SGIP1: variants seen among roughly 807,000 people sequenced by gnomAD.
The protein encoded by SGIP1 is SH3GL interacting endocytic adaptor 1.
A neutral mutation model predicts 107.5 loss-of-function variants in SGIP1; 38 were observed. That is an observed-to-expected ratio of 0.35 (90% CI 0.27 to 0.46). The LOEUF is 0.46. SGIP1 is among the 20% of genes least tolerant of loss of function. The pLI is 1.00. For synonymous variants in SGIP1, 365 were observed against 366.1 expected, an observed-to-expected ratio of 1.00 and a Z score of 0.03; for missense variants, 929 against 1,019.5, an observed-to-expected ratio of 0.91 and a Z score of 1.21.
intron 1 of SGIP1, among the ~76,000 whole-genome samples, chr1:66,604,900 C>T (rs1339757497): frequency 6.6e-6 from 1 of 152,154 alleles, no homozygotes; most frequent in Non-Finnish European, 1.5e-5. Context: ...ATTCTTTAAT[C>T]CACTATTTTT....
intron 15 of SGIP1, among the ~76,000 whole-genome samples, chr1:66,683,403 C>T (rs1557613202): frequency 1.3e-5 from 2 of 152,196 alleles, no homozygotes; most frequent in African/African-American, 4.8e-5. Flanking sequence ...GTCATCATCA[C>T]TGCCTCTTTC....
Position 66,725,072 on chromosome 1 carries a change from G to A in SGIP1, c.1743-4192G>A, listed in dbSNP as rs539439539. On this transcript the variant is annotated intron_variant, in intron 19 of 24. Coordinates refer to ENST00000371037, the MANE Select transcript of SGIP1 (RefSeq NM_032291.4). Reference sequence around the variant, plus strand: ...GTTAATGGATCTAAAAGGTAGAGAAGGAAGACAGCAGTTTGCTCCCAAACT... The same window carrying A: ...GTTAATGGATCTAAAAGGTAGAGAAAGAAGACAGCAGTTTGCTCCCAAACT... 1.1e-4 allele frequency among the ~76,000 whole-genome samples: 16 copies of A among 152,276 alleles called. No individual in the cohort carries two copies. In the East Asian group the frequency reaches 3.1e-3, roughly 29 times the overall value.
chr1:66,574,883 T>C (rs2060851977), intron 1 of SGIP1, among the ~76,000 whole-genome samples: 1 of 152,214 alleles, frequency 6.6e-6, no homozygotes, highest in Non-Finnish European at 1.5e-5. Context: ...ATTTAGAGAT[T>C]ATGTCCCTCT....
intron 5 of SGIP1, among the ~76,000 whole-genome samples, chr1:66,640,833 C>A (rs1002207889): frequency 2.1e-5 from 3 of 146,046 alleles, no homozygotes; most frequent in African/African-American, 7.6e-5. Flanking sequence ...AGGAAGACCA[C>A]AATAAATGCT....
chr1:66,660,362 T>C (rs563811296), intron 7 of SGIP1, 151 bp from the exon 8 acceptor site: 1 of 711,608 alleles, frequency 1.4e-6, no homozygotes, highest in Admixed American at 2.2e-5. Flanking sequence ...AATGACCATA[T>C]CAGACCCCCA....
chr1:66,554,356 G>A (rs2057870698), intron 1 of SGIP1, among the ~76,000 whole-genome samples: 1 of 152,120 alleles, frequency 6.6e-6, no homozygotes, highest in Admixed American at 6.5e-5. Context: ...GACAGAATAA[G>A]GTCCTTAGCC....
intron 1 of SGIP1, among the ~76,000 whole-genome samples, chr1:66,586,538 G>A (rs187886286): frequency 3.0e-4 from 45 of 152,060 alleles, no homozygotes; most frequent in Admixed American, 2.4e-3. Flanking sequence ...ACTTATTACT[G>A]TATACCAATG....
chr1:66,600,644 A>G (rs1384908273), intron 1 of SGIP1, among the ~76,000 whole-genome samples: 1 of 152,206 alleles, frequency 6.6e-6, no homozygotes, highest in Non-Finnish European at 1.5e-5. Flanking sequence ...ATTAGAAAGG[A>G]TGCAAGTGGT....
chr1:66,538,710 G>C (rs193147993), intron 1 of SGIP1, among the ~76,000 whole-genome samples: 2 of 152,284 alleles, frequency 1.3e-5, no homozygotes, highest in Admixed American at 1.3e-4. Flanking sequence ...TCTCACACAA[G>C]TCCATCAAAG....
At chr1:66,675,540 TC>T (rs1184794085) in intron 12 of SGIP1, among the ~76,000 whole-genome samples, 1,407 of 110,766 alleles carry the variant, frequency 0.013, 218 homozygotes, top group African/African-American at 0.05. Context: ...TCTTTTTCTT[TC>T]TTTTTTTTTT....
chr1:66,731,582 C>T (rs1159869833), intron 20 of SGIP1, among the ~76,000 whole-genome samples: 1 of 151,852 alleles, frequency 6.6e-6, no homozygotes, highest in Non-Finnish European at 1.5e-5. Context: ...ATCTTATGAA[C>T]TCTACTTGAT....
At chr1:66,696,046 G>A (rs1039323252) in intron 18 of SGIP1, among the ~76,000 whole-genome samples, 26 of 152,174 alleles carry the variant, frequency 1.7e-4, no homozygotes, top group African/African-American at 6.0e-4. Flanking sequence ...TGCGTCTCCT[G>A]AAATTGCAAT....
intron 1 of SGIP1, among the ~76,000 whole-genome samples, chr1:66,573,915 G>T (rs1393654364): frequency 6.6e-6 from 1 of 151,994 alleles, no homozygotes; most frequent in African/African-American, 2.4e-5. Context: ...TAAAATAAAA[G>T]CTAAATTTAA....
chr1:66,738,103 T>C (rs2094329553), intron 21 of SGIP1, among the ~76,000 whole-genome samples: 1 of 152,318 alleles, frequency 6.6e-6, no homozygotes, highest in Admixed American at 6.5e-5. Context: ...TCTTAATAAA[T>C]GTTTGCCTGC....
intron 7 of SGIP1, among the ~76,000 whole-genome samples, chr1:66,658,390 C>T (rs1400951337): frequency 6.6e-6 from 1 of 152,176 alleles, no homozygotes; most frequent in East Asian, 1.9e-4. Context: ...CCTGAGGTCA[C>T]TAACAGGCAG....
chr1:66,689,782 A>G (rs7528346), intron 16 of SGIP1, among the ~76,000 whole-genome samples: 53,349 of 151,918 alleles, frequency 0.35, 10,095 homozygotes, highest in African/African-American at 0.5. Flanking sequence ...TTGTGGCAGA[A>G]GTAGATTTCT....
At position 66,648,843 on chromosome 1, in the gene SGIP1, G is replaced by C. The variant is rs114638401; in HGVS notation, c.459+5124G>C. ...ATTGTCCTGGGCCCCAGCCCAGGTC[G>C]ACCACTTTCTACCTGTGTAACCTTA... On this transcript the variant is annotated intron_variant, in intron 7 of 24. Transcript: ENST00000371037. Among the ~76,000 whole-genome samples the C allele has an allele frequency of 8.4e-3, 1,281 of 152,246 alleles. 14 individuals are homozygous for C. The highest frequency in any genetic ancestry group is 0.027 in the African/African-American group (1,123 of 41,542).
chr1:66,732,040 G>A (rs1020981849), intron 20 of SGIP1, among the ~76,000 whole-genome samples: 17 of 152,102 alleles, frequency 1.1e-4, no homozygotes, highest in Admixed American at 3.3e-4. Context: ...TATTAAAGCA[G>A]GTTCTCTAAG....
At chr1:66,581,261 A>G (rs1466173936) in intron 1 of SGIP1, among the ~76,000 whole-genome samples, 4 of 152,092 alleles carry the variant, frequency 2.6e-5, no homozygotes, top group East Asian at 1.9e-4. Flanking sequence ...TTCAGACTGT[A>G]TATTTTTAAA....
Sources: gnomAD v4.1 joint callset for allele counts (sites outside exome capture counted in the v4.1 genomes callset) on GRCh38, gnomAD v4.1.1 for gene constraint, MANE v1.5 for transcripts, NCBI Gene and HGNC (gene_info 2026-07-23, HGNC 2026-07-21) for gene names.